The following WHRN variants were observed in gnomAD, a reference collection of about 807,000 sequenced individuals.
WHRN encodes the protein CASK-interacting protein CIP98.
WHRN carries 41 observed loss-of-function variants against 68.3 expected under a neutral mutation model. The ratio of observed to expected loss-of-function variants is 0.60; its 90% CI spans 0.47 to 0.78. The LOEUF is 0.78. Among genes scored for constraint, WHRN ranks in the 30% least tolerant of loss-of-function variants. The pLI is 0.00. For synonymous variants in WHRN, 560 were observed against 561.3 expected (o/e 1.00, Z 0.03); for missense variants, 1,243 against 1,244.7 (o/e 1.00, Z 0.02).
chr9:114,433,848 G>A (rs558850981), intron 3 of WHRN, among the ~76,000 whole-genome samples: 5 of 152,290 alleles, frequency 3.3e-5, no homozygotes, highest in African/African-American at 1.2e-4. Context: ...GACCCGGCAA[G>A]GCTAATGCAC....
chr9:114,438,553 C>T (rs925078676), intron 3 of WHRN, among the ~76,000 whole-genome samples: 1 of 151,040 alleles, frequency 6.6e-6, no homozygotes, highest in Non-Finnish European at 1.5e-5. Flanking sequence ...CCCGTGTTCA[C>T]ACCATTCTCC....
intron 9 of WHRN, among the ~76,000 whole-genome samples, chr9:114,405,106 A>C (rs1589061073): frequency 8.4e-6 from 1 of 119,610 alleles, no homozygotes; most frequent in Non-Finnish European, 1.6e-5. Flanking sequence ...ACAGATTCTC[A>C]CTCTGTCATC....
chr9:114,407,040 A>T, intron 8 of WHRN, 148 bp from the exon 9 acceptor site: 2 of 943,626 alleles, frequency 2.1e-6, no homozygotes, highest in Non-Finnish European at 3.3e-6. Context: ...ATAATGCAAC[A>T]CCTGAGTGGA....
At chr9:114,489,491 TAC>T (rs143212773) in intron 1 of WHRN, among the ~76,000 whole-genome samples, 2,256 of 150,084 alleles carry the variant, frequency 0.015, 55 homozygotes, top group African/African-American at 0.049. Flanking sequence ...CACACACACG[TAC>T]ACACACACAC....
chr9:114,491,068 A>G (rs539229278), intron 1 of WHRN, among the ~76,000 whole-genome samples: 61 of 152,278 alleles, frequency 4.0e-4, no homozygotes, highest in Non-Finnish European at 6.3e-4. Context: ...ATGAGCCCCA[A>G]TGGGTTTGCA....
intron 2 of WHRN, among the ~76,000 whole-genome samples, chr9:114,468,973 C>A (rs1428816975): frequency 6.6e-6 from 1 of 152,178 alleles, no homozygotes; most frequent in Non-Finnish European, 1.5e-5. Context: ...AGCCAGACTG[C>A]CAACTTGCTA....
chr9:114,458,756 G>A (rs1170263557), intron 3 of WHRN, among the ~76,000 whole-genome samples: 1 of 152,168 alleles, frequency 6.6e-6, no homozygotes, highest in African/African-American at 2.4e-5. Context: ...AAATTATGTT[G>A]AATGGGGAGG....
intron 3 of WHRN, among the ~76,000 whole-genome samples, chr9:114,439,045 A>G (rs992869490): frequency 6.0e-5 from 9 of 151,222 alleles, no homozygotes; most frequent in African/African-American, 1.7e-4. Flanking sequence ...TATCTTTTAT[A>G]GAAGAAAGAA....
chr9:114,482,837 C>T (rs983524878), intron 1 of WHRN, among the ~76,000 whole-genome samples: 1 of 152,176 alleles, frequency 6.6e-6, no homozygotes, highest in African/African-American at 2.4e-5. Flanking sequence ...GATGAGAACA[C>T]CACAGAGAGC....
chr9:114,418,055 T>C (rs1835951860), intron 7 of WHRN, among the ~76,000 whole-genome samples: 1 of 152,160 alleles, frequency 6.6e-6, no homozygotes, highest in East Asian at 1.9e-4. Flanking sequence ...CCCAGTGCCC[T>C]GCGTACTCTG....
chr9:114,501,816 G>A (rs1026647203), intron 1 of WHRN, among the ~76,000 whole-genome samples: 3 of 152,182 alleles, frequency 2.0e-5, no homozygotes, highest in South Asian at 4.1e-4. Context: ...ATGGTGACTC[G>A]CAGCACTGCA....
intron 7 of WHRN, among the ~76,000 whole-genome samples, chr9:114,420,917 C>T (rs781748155): frequency 2.6e-5 from 4 of 151,954 alleles, no homozygotes; most frequent in South Asian, 2.1e-4. Context: ...CAAGGCACCG[C>T]GAGCTCAAGT....
Position 114,406,738 on chromosome 9 carries a change from C to A in WHRN, c.1853G>T (p.Gly618Val). 1 of 1,614,076 alleles carries A rather than the reference C, an allele frequency of 6.2e-7. No individual in the cohort carries two copies. The highest frequency in any genetic ancestry group is 8.5e-7 in the Non-Finnish European group (1 of 1,180,014). The change falls in exon 9 of 12, where the codon GGC becomes GTC. Residue 618 changes from glycine to valine, a missense_variant. Gly to Val is a moderately radical substitution (Grantham distance 109). Transcript: ENST00000362057. The stretch of plus-strand genomic sequence containing the variant: ...GTTCTGTGGAGCCGAGAAGACAGTG[C>A]CCGAGCAGGAAGGCATGGAGGAAGG... ...QPPSSMPSCSGTVFSAPQNRS... is the reference protein window; with the variant it reads ...QPPSSMPSCSVTVFSAPQNRS...
chr9:114,452,631 T>C (rs781544389), intron 3 of WHRN, among the ~76,000 whole-genome samples: 23 of 152,210 alleles, frequency 1.5e-4, no homozygotes, highest in African/African-American at 2.9e-4. Context: ...AGGTTGTGCA[T>C]TGAGCAATCA....
chr9:114,481,475 C>A (rs1359089823), intron 1 of WHRN, among the ~76,000 whole-genome samples: 1 of 152,178 alleles, frequency 6.6e-6, no homozygotes, highest in Non-Finnish European at 1.5e-5. Flanking sequence ...AAGCCTGAGA[C>A]CAAGTGGGCT....
intron 3 of WHRN, among the ~76,000 whole-genome samples, chr9:114,450,413 C>A (rs1318350067): frequency 1.3e-5 from 2 of 152,098 alleles, no homozygotes; most frequent in African/African-American, 4.8e-5. Flanking sequence ...GGGAGGAAGG[C>A]CCCACTGTGA....
intron 10 of WHRN, 122 bp downstream of exon 10, chr9:114,403,774 G>A: frequency 8.1e-7 from 1 of 1,238,122 alleles, no homozygotes; most frequent in Non-Finnish European, 1.2e-6. Context: ...TCCAGTTATA[G>A]GGAGCTCACT....
intron 3 of WHRN, among the ~76,000 whole-genome samples, chr9:114,451,469 T>C (rs1464152623): frequency 1.3e-5 from 2 of 152,200 alleles, no homozygotes; most frequent in African/African-American, 2.4e-5. Flanking sequence ...GGGCTGGGCC[T>C]GCAGCAAATC....
At chr9:114,451,254 C>T (rs537727253) in intron 3 of WHRN, among the ~76,000 whole-genome samples, 1 of 152,206 alleles carries the variant, frequency 6.6e-6, no homozygotes, top group Non-Finnish European at 1.5e-5. Context: ...TTGGCATCAG[C>T]ACAGAGGTAA....
Sources: allele counts gnomAD v4.1 joint callset (sites outside exome capture counted in the v4.1 genomes callset), GRCh38; gene constraint gnomAD v4.1.1; transcripts MANE v1.5; gene names NCBI Gene and HGNC (gene_info 2026-07-23, HGNC 2026-07-21).